The following NALF1 variants were observed in gnomAD, a reference collection of about 807,000 sequenced individuals.
The protein encoded by NALF1 is family with sequence similarity 155 member A.
A neutral mutation model predicts 48.4 loss-of-function variants in NALF1; 3 were observed. The observed-to-expected ratio is 0.06, with a 90% CI of 0.03 to 0.16. The LOEUF is 0.16. Among genes scored for constraint, NALF1 ranks in the 10% least tolerant of loss-of-function variants. The pLI, the probability that NALF1 is intolerant of heterozygous loss-of-function variation, is 1.00. For missense variants in NALF1, 526 were observed against 571.5 expected, an observed-to-expected ratio of 0.92 and a Z score of 0.81; for synonymous variants, 262 against 245.7, an observed-to-expected ratio of 1.07 and a Z score of -0.62.
intron 1 of NALF1, among the ~76,000 whole-genome samples, chr13:107,298,434 T>G (rs1881769904): frequency 6.6e-6 from 1 of 151,312 alleles, no homozygotes; most frequent in South Asian, 2.1e-4. Flanking sequence ...TATTTTTATT[T>G]TATTTATTTA....
At chr13:107,182,497 C>A (rs61967582) in intron 2 of NALF1, among the ~76,000 whole-genome samples, 2 of 151,992 alleles carry the variant, frequency 1.3e-5, no homozygotes, top group Non-Finnish European at 2.9e-5. Flanking sequence ...CTCAAACTTC[C>A]GGGCTCAAGT....
At chr13:107,749,877 T>C (rs570728805) in intron 1 of NALF1, among the ~76,000 whole-genome samples, 4 of 152,124 alleles carry the variant, frequency 2.6e-5, no homozygotes, top group Non-Finnish European at 5.9e-5. Flanking sequence ...TGGAATGCAG[T>C]GGTGAGATCT....
At chr13:107,458,944 G>T (rs1884871171) in intron 1 of NALF1, among the ~76,000 whole-genome samples, 1 of 151,948 alleles carries the variant, frequency 6.6e-6, no homozygotes, top group South Asian at 2.1e-4. Flanking sequence ...ATCCCCCTTA[G>T]TAAGATCTTG....
intron 1 of NALF1, among the ~76,000 whole-genome samples, chr13:107,853,042 T>TC (rs1282780165): frequency 6.6e-6 from 1 of 152,110 alleles, no homozygotes; most frequent in African/African-American, 2.4e-5. Flanking sequence ...TATGATTTTT[T>TC]CCCAAAGCCA....
chr13:107,368,188 A>AGTTG (rs1883184873), intron 1 of NALF1, among the ~76,000 whole-genome samples: 1 of 152,192 alleles, frequency 6.6e-6, no homozygotes, highest in Non-Finnish European at 1.5e-5. Context: ...AAGTTATAAC[A>AGTTG]CCAATATGGC....
chr13:107,387,185 G>A (rs1883545031), intron 1 of NALF1, among the ~76,000 whole-genome samples: 1 of 152,120 alleles, frequency 6.6e-6, no homozygotes, highest in African/African-American at 2.4e-5. Context: ...GGTCCTAATG[G>A]AAATTGAATT....
intron 1 of NALF1, among the ~76,000 whole-genome samples, chr13:107,784,481 T>C (rs1418814734): frequency 6.6e-6 from 1 of 152,144 alleles, no homozygotes; most frequent in African/African-American, 2.4e-5. Flanking sequence ...AGATGAAACA[T>C]TTTAAGGTCT....
rs118123981 is a variant in NALF1 at position 107,462,279 on chromosome 13, C to T, written c.916-251524G>A. ...GTGAAGTTCGAGCAAATACAAAGTT[C>T]GTATTTTGCCTGGTTCTCTAAAATG... On this transcript the variant is annotated intron_variant, in intron 1 of 2. Transcript: ENST00000375915. 9.8e-3 allele frequency among the ~76,000 whole-genome samples: 1,484 copies of T among 151,874 alleles called. 25 individuals carry two copies. The highest frequency in any genetic ancestry group is 0.068 in the Middle Eastern group (20 of 294).
At chr13:107,709,724 C>T (rs1875509010) in intron 1 of NALF1, among the ~76,000 whole-genome samples, 1 of 152,226 alleles carries the variant, frequency 6.6e-6, no homozygotes, top group South Asian at 2.1e-4. Context: ...CAATTTATCT[C>T]ACCTTTTAGG....
intron 1 of NALF1, among the ~76,000 whole-genome samples, chr13:107,274,089 T>C (rs1310213414): frequency 2.6e-5 from 4 of 152,182 alleles, no homozygotes; most frequent in African/African-American, 7.2e-5. Flanking sequence ...ACATAATTTT[T>C]ATATGTATGA....
At chr13:107,471,052 G>A (rs932170110) in intron 1 of NALF1, among the ~76,000 whole-genome samples, 3 of 152,172 alleles carry the variant, frequency 2.0e-5, no homozygotes, top group Middle Eastern at 3.2e-3. Context: ...GGTATATTAT[G>A]ATATTGTGAT....
At chr13:107,473,357 G>A (rs1481900457) in intron 1 of NALF1, among the ~76,000 whole-genome samples, 2 of 152,280 alleles carry the variant, frequency 1.3e-5, no homozygotes, top group African/African-American at 2.4e-5. Context: ...ATACAGGAAC[G>A]TTAATTTCAG....
At chr13:107,461,060 G>A (rs1480629776) in intron 1 of NALF1, among the ~76,000 whole-genome samples, 2 of 152,034 alleles carry the variant, frequency 1.3e-5, no homozygotes, top group Non-Finnish European at 2.9e-5. Flanking sequence ...GATTTTAACT[G>A]TCCTTCTAAA....
At chr13:107,224,479 T>G (rs1191760780) in intron 1 of NALF1, among the ~76,000 whole-genome samples, 1 of 149,682 alleles carries the variant, frequency 6.7e-6, no homozygotes, top group Non-Finnish European at 1.5e-5. Context: ...TTACATATAT[T>G]TATATTTTCA....
intron 1 of NALF1, among the ~76,000 whole-genome samples, chr13:107,753,646 C>G (rs1302950454): frequency 6.6e-6 from 1 of 152,114 alleles, no homozygotes; most frequent in Non-Finnish European, 1.5e-5. Context: ...TACGGATACA[C>G]AGAATACTTT....
intron 1 of NALF1, among the ~76,000 whole-genome samples, chr13:107,710,180 G>T (rs1875522264): frequency 6.6e-6 from 1 of 151,448 alleles, no homozygotes; most frequent in Non-Finnish European, 1.5e-5. Flanking sequence ...AGAAAAAAAA[G>T]AAAGAAAGAA....
intron 2 of NALF1, among the ~76,000 whole-genome samples, chr13:107,203,067 C>G (rs563980423): frequency 9.8e-5 from 15 of 152,314 alleles, no homozygotes; most frequent in African/African-American, 3.4e-4. Flanking sequence ...GAACAGCTAC[C>G]AAGTGGGCAT....
intron 2 of NALF1, among the ~76,000 whole-genome samples, chr13:107,191,129 C>T (rs1879270318): frequency 2.0e-5 from 3 of 152,088 alleles, no homozygotes; most frequent in Admixed American, 1.3e-4. Context: ...TCTGACGGCT[C>T]CTTGGATTAT....
chr13:107,407,767 A>C (rs1296207960), intron 1 of NALF1, among the ~76,000 whole-genome samples: 1 of 152,086 alleles, frequency 6.6e-6, no homozygotes, highest in Non-Finnish European at 1.5e-5. Flanking sequence ...CGAAAGAAAG[A>C]AAATTAGTAT....
Sources: gnomAD v4.1 joint callset for allele counts (sites outside exome capture counted in the v4.1 genomes callset) on GRCh38, gnomAD v4.1.1 for gene constraint, MANE v1.5 for transcripts, NCBI Gene and HGNC (gene_info 2026-07-23, HGNC 2026-07-21) for gene names.